Variants in ELMOD2 observed in about 807,000 individuals in gnomAD.
ELMOD2 encodes ELMO domain-containing protein 2.
In ELMOD2, 28 loss-of-function variants were observed where a neutral mutation model predicts 41.0. The ratio of observed to expected loss-of-function variants is 0.68; its 90% CI spans 0.51 to 0.94. The LOEUF (loss-of-function observed/expected upper bound fraction) is 0.94, where lower values mean the gene tolerates loss of function less well. Among genes scored for constraint, ELMOD2 ranks in the 40% least tolerant of loss-of-function variants. ELMOD2 has a pLI of 0.00. For synonymous variants in ELMOD2, 106 were observed against 107.2 expected (o/e 0.99, Z 0.07); for missense variants, 333 against 343.1 (o/e 0.97, Z 0.23).
At chr4:140,532,926 A>G (rs1398761721) in intron 3 of ELMOD2, among the ~76,000 whole-genome samples, 1 of 152,232 alleles carries the variant, frequency 6.6e-6, no homozygotes, top group Non-Finnish European at 1.5e-5. Context: ...GTGTTACAGG[A>G]CATGGTATAC....
At chr4:140,540,810 C>T (rs1176618660) in intron 6 of ELMOD2, among the ~76,000 whole-genome samples, 1 of 150,796 alleles carries the variant, frequency 6.6e-6, no homozygotes, top group Non-Finnish European at 1.5e-5. Flanking sequence ...CTTACCAATG[C>T]TTTCCTCTCC....
At chr4:140,534,023 G>A (rs1734832926) in intron 3 of ELMOD2, among the ~76,000 whole-genome samples, 1 of 152,054 alleles carries the variant, frequency 6.6e-6, no homozygotes, top group East Asian at 1.9e-4. Flanking sequence ...AGTGGTTTTG[G>A]CAATTTCATT....
At chr4:140,532,300 G>C (rs1395630903) in intron 3 of ELMOD2, among the ~76,000 whole-genome samples, 1 of 151,854 alleles carries the variant, frequency 6.6e-6, no homozygotes, top group Non-Finnish European at 1.5e-5. Context: ...TCGAGTAGCT[G>C]GGGTTGCAGG....
At chr4:140,537,686 A>C in intron 5 of ELMOD2, 145 bp downstream of exon 5, 2 of 845,430 alleles carry the variant, frequency 2.4e-6, no homozygotes, top group Non-Finnish European at 3.4e-6. Flanking sequence ...ATTATGCTGG[A>C]TTTCACTGAT....
intron 5 of ELMOD2, among the ~76,000 whole-genome samples, chr4:140,538,592 T>C (rs1287222287): frequency 1.3e-5 from 2 of 152,232 alleles, no homozygotes; most frequent in African/African-American, 2.4e-5. Flanking sequence ...TCATCATTTT[T>C]CCCTTCATGT....
chr4:140,532,896 A>G (rs1219316571), intron 3 of ELMOD2, among the ~76,000 whole-genome samples: 1 of 152,262 alleles, frequency 6.6e-6, no homozygotes, highest in African/African-American at 2.4e-5. Context: ...TACTGGCATT[A>G]TTAGTAAATG....
At position 140,549,681 on chromosome 4, in the gene ELMOD2, C is replaced by CTT. The variant is rs10538089; in HGVS notation, c.737-520_737-519dup. Among the ~76,000 whole-genome samples the CTT allele has an allele frequency of 1.5e-3, 63 of 42,930 alleles. 4 individuals are homozygous for CTT. Among genetic ancestry groups the CTT allele is most frequent in the Non-Finnish European group, 1.9e-3 (50 of 26,474 alleles). The allele number at this position is 42,930 out of a possible 152,430, so 28.2% of individuals were successfully genotyped here. On this transcript the variant is annotated intron_variant, in intron 8 of 8. Transcript: ENST00000323570. The stretch of plus-strand genomic sequence containing the variant: ...AAGGTATCTTTTGAAAGTACTACAT[C>CTT]TTTTTTTTTTTTTTTTTTTTTTTTT...
intron 5 of ELMOD2, among the ~76,000 whole-genome samples, chr4:140,537,934 T>C (rs925158307): frequency 2.0e-5 from 3 of 152,134 alleles, no homozygotes; most frequent in Non-Finnish European, 4.4e-5. Flanking sequence ...TTTTTTCAGC[T>C]ACTTACAAGT....
At chr4:140,548,013 A>C (rs536817738) in intron 8 of ELMOD2, among the ~76,000 whole-genome samples, 1 of 152,122 alleles carries the variant, frequency 6.6e-6, no homozygotes, top group Non-Finnish European at 1.5e-5. Flanking sequence ...CACTTTAGCT[A>C]TTATAGTCTC....
chr4:140,540,281 A>C lies in ELMOD2; in HGVS notation c.513A>C (p.Ile171=). The C allele has an allele frequency of 6.2e-7, 1 of 1,613,808 alleles. No individual in the cohort carries two copies. Among genetic ancestry groups the C allele is most frequent in the Non-Finnish European group, 8.5e-7 (1 of 1,179,914 alleles). ...DPKTDFRGMG[I]LGLINLVYFS... ...AGACAGACTTCAGAGGCATGGGCAT[A>C]CTTGGGTTAATCAATCTTGTGTAAG... Residue 171 remains isoleucine (I), a synonymous_variant, in exon 6 of 9, where the codon ATA becomes ATC. Transcript: ENST00000323570.
intron 2 of ELMOD2, chr4:140,526,600 A>G (rs908765448): frequency 1.3e-5 from 2 of 152,216 alleles, no homozygotes; most frequent in African/African-American, 4.8e-5. Flanking sequence ...AGTATTGGCA[A>G]ATGGAACCTG....
At chr4:140,545,532 T>A (rs1054562685) in intron 8 of ELMOD2, among the ~76,000 whole-genome samples, 1 of 152,176 alleles carries the variant, frequency 6.6e-6, no homozygotes, top group African/African-American at 2.4e-5. Context: ...TAAAGAATCA[T>A]ATGAGGATGC....
At chr4:140,533,660 T>C (rs1734820308) in intron 3 of ELMOD2, among the ~76,000 whole-genome samples, 1 of 152,098 alleles carries the variant, frequency 6.6e-6, no homozygotes, top group African/African-American at 2.4e-5. Flanking sequence ...ATGATACCTT[T>C]AAGGAAAGGA....
Position 140,537,399 on chromosome 4 carries a change from T to C in ELMOD2, c.270-13T>C. ...GAGGGTATGCTTTTTAAAAATAATT[T>C]TATCATTTTTAGTTTTAAAATATGC... On this transcript the variant is annotated splice_polypyrimidine_tract_variant and intron_variant, in intron 4 of 8. Transcript: ENST00000323570. 6.7e-7 allele frequency: 1 copy of C among 1,483,338 alleles called. No homozygotes were observed. Among genetic ancestry groups the C allele is most frequent in the Non-Finnish European group, 8.9e-7 (1 of 1,122,886 alleles). The allele number at this position is 1,483,338 out of a possible 1,614,324, so 91.9% of individuals were successfully genotyped here. A position where few individuals can be genotyped will look rare whatever the true frequency, so the allele number is the denominator to read the frequency against.
At chr4:140,542,751 T>A in intron 7 of ELMOD2, 109 bp downstream of exon 7, 2 of 859,756 alleles carry the variant, frequency 2.3e-6, no homozygotes, top group South Asian at 2.3e-5. Context: ...AGTATTTTAA[T>A]AAGAACTTTT....
chr4:140,525,349 G>A, intron 1 of ELMOD2, 71 bp from the exon 2 acceptor site: 1 of 1,335,086 alleles, frequency 7.5e-7, no homozygotes, highest in Non-Finnish European at 1.0e-6. Context: ...TTGATCAGTT[G>A]TATAAACTTT....
At position 140,552,393 on chromosome 4, in the gene ELMOD2, A is replaced by G. The variant is rs1199508229; in HGVS notation, c.*2018A>G. 6.6e-6 allele frequency: 1 copy of G among 152,012 alleles called. No homozygotes were observed. Among genetic ancestry groups the G allele is most frequent in the Non-Finnish European group, 1.5e-5 (1 of 67,912 alleles). The allele number at this position is 152,012 out of a possible 1,614,324, so 9.4% of individuals were successfully genotyped here. ...CCTCCATTTGTACATTATAGGTATC[A>G]TTCTGTTTTTGCTTAAAATAATCTG... On this transcript the variant is annotated 3_prime_UTR_variant, in exon 9 of 9. Transcript: ENST00000323570.
At position 140,529,257 on chromosome 4, in the gene ELMOD2, T is replaced by A. The variant is rs550133674; in HGVS notation, c.171+1763T>A. On this transcript the variant is annotated intron_variant, in intron 3 of 8. Coordinates refer to ENST00000323570, the MANE Select transcript of ELMOD2 (RefSeq NM_153702.4). ...TATGCTGTCTGGGGACTGTTGTGGA[T>A]CATAACTGCTTTAACTTTGTTTCGA... Among the ~76,000 whole-genome samples, 12 of 152,340 alleles carry A rather than the reference T, an allele frequency of 7.9e-5. No individual in the cohort carries two copies. In the South Asian group the frequency reaches 2.5e-3, roughly 32 times the overall value.
At position 140,547,623 on chromosome 4, in the gene ELMOD2, C is replaced by T. The variant is rs149150892; in HGVS notation, c.737-2607C>T. On this transcript the variant is annotated intron_variant, in intron 8 of 8. Coordinates refer to ENST00000323570, the MANE Select transcript of ELMOD2 (RefSeq NM_153702.4). Reference sequence around the variant, plus strand: ...ATAATTTATATAACATAGAATTTACCCATCTTAAATATACACTTAAATGGA... The same window carrying T: ...ATAATTTATATAACATAGAATTTACTCATCTTAAATATACACTTAAATGGA... Among the ~76,000 whole-genome samples, 820 of 151,990 alleles carry T rather than the reference C, an allele frequency of 5.4e-3. 20 individuals are homozygous for T. Among genetic ancestry groups the T allele is most frequent in the Admixed American group, 0.047 (721 of 15,254 alleles).
Sources: allele counts gnomAD v4.1 joint callset (sites outside exome capture counted in the v4.1 genomes callset), GRCh38; gene constraint gnomAD v4.1.1; transcripts MANE v1.5; gene names NCBI Gene and HGNC (gene_info 2026-07-23, HGNC 2026-07-21).